PAK5: variants seen among roughly 807,000 people sequenced by gnomAD.
PAK5 encodes p21 (RAC1) activated kinase 5.
Under a neutral mutation model 65.9 loss-of-function variants are expected in PAK5, and 16 were observed. The ratio of observed to expected loss-of-function variants is 0.24; its 90% confidence interval spans 0.16 to 0.37. The LOEUF (loss-of-function observed/expected upper bound fraction) is 0.37, where lower values mean the gene tolerates loss of function less well. Ranked by LOEUF, PAK5 falls within the 10% of genes least tolerant of loss-of-function variation. PAK5 has a pLI of 1.00. For synonymous variants in PAK5, 371 were observed against 354.9 expected (o/e 1.05, Z -0.51); for missense variants, 785 against 903.9 (o/e 0.87, Z 1.69).
chr20:9,542,777 G>A, intron 8 of PAK5, 57 bp from the exon 9 acceptor site: 1 of 1,524,850 alleles, frequency 6.6e-7, no homozygotes, highest in Non-Finnish European at 9.0e-7. Context: ...GAAATGTCAA[G>A]TGTGTCCACA....
intron 1 of PAK5, among the ~76,000 whole-genome samples, chr20:9,831,390 CAA>C (rs367717078): frequency 1.3e-5 from 2 of 152,342 alleles, no homozygotes; most frequent in African/African-American, 4.8e-5. Context: ...GCCCCTGACA[CAA>C]GAGATAATCA....
At chr20:9,740,969 C>T (rs1341342230) in intron 1 of PAK5, among the ~76,000 whole-genome samples, 1 of 152,190 alleles carries the variant, frequency 6.6e-6, no homozygotes, top group East Asian at 1.9e-4. Flanking sequence ...TGCAACTGAA[C>T]CAACACAAAG....
intron 1 of PAK5, among the ~76,000 whole-genome samples, chr20:9,747,120 C>T (rs947604815): frequency 7.2e-5 from 11 of 152,092 alleles, no homozygotes; most frequent in African/African-American, 2.7e-4. Context: ...GTACACCCTC[C>T]CAAGACTAAA....
chr20:9,549,809 A>T (rs1163222695), intron 7 of PAK5, among the ~76,000 whole-genome samples: 1 of 152,208 alleles, frequency 6.6e-6, no homozygotes, highest in African/African-American at 2.4e-5. Flanking sequence ...AGATCAATAC[A>T]TAATTGACAG....
chr20:9,631,346 T>C (rs1267775676), intron 3 of PAK5, among the ~76,000 whole-genome samples: 1 of 152,130 alleles, frequency 6.6e-6, no homozygotes, highest in Non-Finnish European at 1.5e-5. Context: ...CTCTCATGGT[T>C]AACTTACATT....
intron 2 of PAK5, among the ~76,000 whole-genome samples, chr20:9,707,674 G>A (rs925177123): frequency 7.9e-5 from 12 of 152,196 alleles, no homozygotes; most frequent in Admixed American, 2.0e-4. Context: ...TTAAGCAGCC[G>A]TGCATCCTTA....
chr20:9,780,298 T>TCA (rs1272849436), intron 1 of PAK5, among the ~76,000 whole-genome samples: 1 of 151,996 alleles, frequency 6.6e-6, no homozygotes, highest in East Asian at 1.9e-4. Flanking sequence ...CATAATAGGG[T>TCA]GCAATTTGGA....
intron 1 of PAK5, among the ~76,000 whole-genome samples, chr20:9,797,350 C>A (rs554518368): frequency 6.6e-6 from 1 of 151,982 alleles, no homozygotes; most frequent in South Asian, 2.1e-4. Flanking sequence ...TTTGTAGGGA[C>A]ATGGATGAAG....
chr20:9,647,303 G>A (rs1388240565), intron 2 of PAK5, among the ~76,000 whole-genome samples: 3 of 152,162 alleles, frequency 2.0e-5, no homozygotes, highest in African/African-American at 7.2e-5. Context: ...TATTTAGTGA[G>A]CATAAAATAC....
At chr20:9,716,890 C>A (rs944830050) in intron 1 of PAK5, among the ~76,000 whole-genome samples, 4 of 151,938 alleles carry the variant, frequency 2.6e-5, no homozygotes, top group Non-Finnish European at 4.4e-5. Flanking sequence ...TTGAGACCAG[C>A]CTGAGCAACA....
chr20:9,555,840 C>T (rs952832429), intron 7 of PAK5, among the ~76,000 whole-genome samples: 6 of 152,154 alleles, frequency 3.9e-5, no homozygotes, highest in Admixed American at 2.6e-4. Flanking sequence ...GGGAACTTTG[C>T]TACAGGTATC....
intron 1 of PAK5, among the ~76,000 whole-genome samples, chr20:9,771,411 A>T (rs13039175): frequency 0.72 from 104,634 of 145,484 alleles, 36,878 homozygotes; most frequent in East Asian, 0.87. Context: ...ATTTAAAAAA[A>T]TTTTTTTTTT....
intron 3 of PAK5, among the ~76,000 whole-genome samples, chr20:9,602,309 A>G (rs766410844): frequency 0.053 from 7,942 of 150,410 alleles, 326 homozygotes; most frequent in African/African-American, 0.11. Context: ...TAAATAAATA[A>G]ATAAATAAAT....
chr20:9,640,685 G>C (rs1410309035), intron 3 of PAK5, among the ~76,000 whole-genome samples: 4 of 152,144 alleles, frequency 2.6e-5, no homozygotes, highest in Admixed American at 6.5e-5. Context: ...CTGATGTTCA[G>C]ATGTGTTCAG....
intron 7 of PAK5, among the ~76,000 whole-genome samples, chr20:9,550,969 C>T (rs985080368): frequency 6.6e-5 from 10 of 152,028 alleles, no homozygotes; most frequent in Middle Eastern, 3.4e-3. Context: ...AATGCCCAAA[C>T]CCCTCAAAAT....
chr20:9,687,023 T>C (rs1306004413), intron 2 of PAK5, among the ~76,000 whole-genome samples: 1 of 152,182 alleles, frequency 6.6e-6, no homozygotes, highest in African/African-American at 2.4e-5. Flanking sequence ...CCAAATTATC[T>C]CACCTAAGAG....
chr20:9,748,567 T>G (rs952202012), intron 1 of PAK5, among the ~76,000 whole-genome samples: 1 of 152,138 alleles, frequency 6.6e-6, no homozygotes, highest in Non-Finnish European at 1.5e-5. Flanking sequence ...AATCTCTAAC[T>G]TTTTAAAAAT....
At chr20:9,739,837 A>T (rs1368037552) in intron 1 of PAK5, among the ~76,000 whole-genome samples, 2 of 152,184 alleles carry the variant, frequency 1.3e-5, no homozygotes, top group African/African-American at 2.4e-5. Flanking sequence ...TCTCACCATG[A>T]TTCTCAATTT....
intron 2 of PAK5, among the ~76,000 whole-genome samples, chr20:9,673,647 A>AGTTTATCT (rs1458079244): frequency 2.0e-5 from 3 of 152,264 alleles, no homozygotes; most frequent in Non-Finnish European, 4.4e-5. Flanking sequence ...ATTTAATGGC[A>AGTTTATCT]GTTTATCTGC....
Sources: gnomAD v4.1 joint callset for allele counts (sites outside exome capture counted in the v4.1 genomes callset) on GRCh38, gnomAD v4.1.1 for gene constraint, MANE v1.5 for transcripts, NCBI Gene and HGNC (gene_info 2026-07-23, HGNC 2026-07-21) for gene names.